RIMKLB: variants seen among roughly 807,000 people sequenced by gnomAD.
The protein encoded by RIMKLB is ribosomal modification protein rimK like family member B.
In RIMKLB, 7 loss-of-function variants were observed where a neutral mutation model predicts 32.0. That is an observed-to-expected ratio of 0.22 (90% confidence interval 0.12 to 0.41). The LOEUF (loss-of-function observed/expected upper bound fraction) is 0.41, where lower values mean the gene tolerates loss of function less well. Among genes scored for constraint, RIMKLB ranks in the 10% least tolerant of loss-of-function variants. RIMKLB has a pLI of 1.00. For synonymous variants in RIMKLB, 172 were observed against 185.1 expected (o/e 0.93, Z 0.57); for missense variants, 289 against 498.7 (o/e 0.58, Z 4.00).
intron 1 of RIMKLB, among the ~76,000 whole-genome samples, chr12:8,710,549 G>A (rs1345361950): frequency 2.6e-5 from 4 of 151,992 alleles, no homozygotes; most frequent in African/African-American, 7.2e-5. Flanking sequence ...CAAGTGATCC[G>A]CCCACCTTGG....
Position 8,716,431 on chromosome 12 carries a change from CTTTTTTTTTTTT to C in RIMKLB, c.175+2402_175+2413del, listed in dbSNP as rs11307521. On this transcript the variant is annotated intron_variant, in intron 2 of 5. Transcript: ENST00000535829. The stretch of plus-strand genomic sequence containing the variant: ...TAACCTAGCCTTACCATTAACATGT[CTTTTTTTTTTTT>C]TTTTTTTTTTTAATTCACAAGAGCC... Among the ~76,000 whole-genome samples, 6 of 81,676 alleles carry C rather than the reference CTTTTTTTTTTTT, an allele frequency of 7.3e-5. No homozygotes were observed. The South Asian group carries it at 2.1e-3, about 29-fold the overall frequency. The allele number at this position is 81,676 out of a possible 152,430, so 53.6% of individuals were successfully genotyped here. A position where few individuals can be genotyped will look rare whatever the true frequency, so the allele number is the denominator to read the frequency against.
chr12:8,732,242 T>C (rs1946610107), intron 2 of RIMKLB, among the ~76,000 whole-genome samples: 1 of 152,176 alleles, frequency 6.6e-6, no homozygotes, highest in African/African-American at 2.4e-5. Context: ...CTTTAGCTTT[T>C]ACTTAGCAGG....
At chr12:8,781,789 G>A (rs1387599198), downstream of RIMKLB, among the ~76,000 whole-genome samples, 4 of 152,128 alleles carry the variant, frequency 2.6e-5, no homozygotes, top group African/African-American at 9.7e-5. Context: ...TGACTAGACT[G>A]AATAGAAATT....
At chr12:8,670,550 G>A in the RIMKLB span, among the ~76,000 whole-genome samples, 1 of 152,208 alleles carries the variant, frequency 6.6e-6, no homozygotes, top group Non-Finnish European at 1.5e-5. Context: ...CCATGGTCTT[G>A]GGCAGCTCTG....
At chr12:8,753,436 C>A (rs1302617544) in intron 4 of RIMKLB, among the ~76,000 whole-genome samples, 4 of 152,058 alleles carry the variant, frequency 2.6e-5, no homozygotes, top group Non-Finnish European at 5.9e-5. Context: ...CAGAAATAGA[C>A]AAATAGAGCA....
the RIMKLB span, among the ~76,000 whole-genome samples, chr12:8,676,381 G>GC: frequency 1.3e-5 from 1 of 80,000 alleles, no homozygotes; most frequent in Non-Finnish European, 2.4e-5. Context: ...ACCCCCAACA[G>GC]CTTTTTTTTT....
downstream of RIMKLB, chr12:8,780,843 T>C (rs1157937670): frequency 6.6e-6 from 1 of 152,242 alleles, no homozygotes; most frequent in Non-Finnish European, 1.5e-5. Flanking sequence ...TGTAGGTCCT[T>C]GCCTTAACGT....
chr12:8,761,264 G>A (rs1949493767), intron 5 of RIMKLB, among the ~76,000 whole-genome samples: 1 of 144,752 alleles, frequency 6.9e-6, no homozygotes, highest in Non-Finnish European at 1.5e-5. Context: ...AGGGTGAGGG[G>A]GAGATAGCAA....
the RIMKLB span, among the ~76,000 whole-genome samples, chr12:8,669,631 T>C: frequency 6.6e-6 from 1 of 150,748 alleles, no homozygotes; most frequent in Non-Finnish European, 1.5e-5. Flanking sequence ...CTTTGGAAAA[T>C]AATACATTCA....
chr12:8,743,601 A>G (rs774240883), intron 2 of RIMKLB, among the ~76,000 whole-genome samples: 2 of 151,738 alleles, frequency 1.3e-5, no homozygotes, highest in Admixed American at 6.6e-5. Flanking sequence ...GGTAGGTCAT[A>G]TGAGGAGTTC....
rs1464176133 is a variant in RIMKLB at position 8,776,798 on chromosome 12, C to T, written c.*3014C>T. 3 of 985,404 alleles carry T rather than the reference C, an allele frequency of 3.0e-6. No individual in the cohort carries two copies. Among genetic ancestry groups the T allele is most frequent in the African/African-American group, 1.7e-5 (1 of 57,212 alleles). The allele number at this position is 985,404 out of a possible 1,614,324, so 61.0% of individuals were successfully genotyped here. On this transcript the variant is annotated 3_prime_UTR_variant, in exon 6 of 6. Coordinates refer to ENST00000535829, the MANE Select transcript of RIMKLB (RefSeq NM_001297776.2). ...ACCCTGGAACAGTAGAAAAACCCAA[C>T]AAGAGACTTGGCATTCATCAAGCAC...
intron 5 of RIMKLB, among the ~76,000 whole-genome samples, chr12:8,764,023 G>C (rs1949743194): frequency 6.6e-6 from 1 of 152,202 alleles, no homozygotes; most frequent in Non-Finnish European, 1.5e-5. Context: ...GCTGGGTATA[G>C]AGGGACAACG....
At chr12:8,696,128 G>T (rs1942882068), upstream of RIMKLB, among the ~76,000 whole-genome samples, 1 of 151,998 alleles carries the variant, frequency 6.6e-6, no homozygotes, top group African/African-American at 2.4e-5. Context: ...GGGACTGAAG[G>T]AATAGGTTAA....
At position 8,773,571 on chromosome 12, in the gene RIMKLB, G is replaced by C. The variant is rs775937341; in HGVS notation, c.948G>C (p.Met316Ile). ...CCTCTGGCCGGCTCACCCGGCGTAT[G>C]TCCCTGCTCTCCGTGGTGTCCACTG... Reference protein sequence around the residue: ...LLPSGRLTRRMSLLSVVSTAS... With the variant: ...LLPSGRLTRRISLLSVVSTAS... The change falls in exon 6 of 6, where the codon ATG becomes ATC. Residue 316 changes from methionine (M) to isoleucine (I), a missense_variant. Transcript: ENST00000535829. 1.9e-6 allele frequency: 3 copies of C among 1,614,258 alleles called. No homozygotes were observed. The Admixed American group carries it at 5.0e-5, about 27-fold the overall frequency.
chr12:8,712,493 A>G (rs528085721), intron 1 of RIMKLB, among the ~76,000 whole-genome samples: 4 of 152,362 alleles, frequency 2.6e-5, no homozygotes, highest in African/African-American at 4.8e-5. Context: ...TTAAGTTAGC[A>G]TAGTTCCTTC....
intron 1 of RIMKLB, among the ~76,000 whole-genome samples, chr12:8,701,403 ATT>A (rs751781198): frequency 6.6e-6 from 1 of 151,694 alleles, no homozygotes; most frequent in Non-Finnish European, 1.5e-5. Context: ...CCATGGTGTT[ATT>A]TTTAATGTTT....
At chr12:8,781,887 G>A (rs893091205), downstream of RIMKLB, among the ~76,000 whole-genome samples, 1 of 152,156 alleles carries the variant, frequency 6.6e-6, no homozygotes, top group Non-Finnish European at 1.5e-5. Flanking sequence ...TTTATAAGAT[G>A]CAGACCTGTT....
chr12:8,749,041 A>T (rs1308641059), intron 2 of RIMKLB, among the ~76,000 whole-genome samples: 4 of 152,192 alleles, frequency 2.6e-5, no homozygotes, highest in Non-Finnish European at 5.9e-5. Flanking sequence ...ATTTTAAAAA[A>T]TTATTTTCTT....
At position 8,776,589 on chromosome 12, in the gene RIMKLB, G is replaced by C. The variant is rs1224758651; in HGVS notation, c.*2805G>C. ...TTCAAAAATGATTATTTCTGATATT[G>C]TTTTTATGTCACCCATGATGAAAAC... On this transcript the variant is annotated 3_prime_UTR_variant, in exon 6 of 6. Coordinates refer to ENST00000535829, the MANE Select transcript of RIMKLB (RefSeq NM_001297776.2). The C allele has an allele frequency of 1.2e-6, 1 of 837,428 alleles. No homozygotes were observed. Among genetic ancestry groups the C allele is most frequent in the African/African-American group, 1.8e-5 (1 of 54,108 alleles). The allele number at this position is 837,428 out of a possible 1,614,324, so 51.9% of individuals were successfully genotyped here.
Sources: gnomAD v4.1 joint callset for allele counts (sites outside exome capture counted in the v4.1 genomes callset) on GRCh38, gnomAD v4.1.1 for gene constraint, MANE v1.5 for transcripts, NCBI Gene and HGNC (gene_info 2026-07-23, HGNC 2026-07-21) for gene names.